ADGRL4: variants seen among roughly 807,000 people sequenced by gnomAD.
ADGRL4 encodes the protein EGF, latrophilin and seven transmembrane domain containing 1.
ADGRL4 carries 90 observed loss-of-function variants against 74.8 expected under a neutral mutation model. The ratio of observed to expected loss-of-function variants is 1.20; its 90% CI spans 1.02 to 1.43. The LOEUF is 1.43. Among genes scored for constraint, ADGRL4 ranks in the 40% most tolerant of loss-of-function variants. ADGRL4 has a pLI of 0.00. For missense variants in ADGRL4, 881 were observed against 814.3 expected (o/e 1.08, Z -1.00); for synonymous variants, 311 against 279.2 (o/e 1.11, Z -1.14).
chr1:78,927,124 C>T (rs776811969), intron 7 of ADGRL4, 33 bp from the exon 8 acceptor site: 1 of 1,378,810 alleles, frequency 7.3e-7, no homozygotes, highest in South Asian at 1.2e-5. Flanking sequence ...TAGTGAAATT[C>T]TTATAAAACA....
Position 78,929,174 on chromosome 1 carries a change from C to T in ADGRL4, c.878-2083G>A, listed in dbSNP as rs182575863. Among the ~76,000 whole-genome samples the T allele has an allele frequency of 4.6e-5, 7 of 151,278 alleles. 1 individual carries two copies. The highest frequency in any genetic ancestry group is 4.1e-4 in the South Asian group (2 of 4,824). On this transcript the variant is annotated intron_variant, in intron 7 of 14. Coordinates refer to ENST00000370742, the MANE Select transcript of ADGRL4 (RefSeq NM_022159.4). ...GAATCTTGTTCTATTAATTCTCAAC[C>T]CTTCCTCCTTACTCTTCTAAAATTC...
At chr1:78,908,247 T>C (rs1381409330) in intron 12 of ADGRL4, among the ~76,000 whole-genome samples, 2 of 151,962 alleles carry the variant, frequency 1.3e-5, no homozygotes, top group African/African-American at 2.4e-5. Context: ...TTTCAGAGGA[T>C]GATCAGAAGT....
Position 78,891,004 on chromosome 1 carries a change from C to T in ADGRL4, c.*150G>A. 1 of 758,136 alleles carries T rather than the reference C, an allele frequency of 1.3e-6. No homozygotes were observed. The highest frequency in any genetic ancestry group is 2.3e-6 in the Non-Finnish European group (1 of 435,136). The allele number at this position is 758,136 out of a possible 1,614,324, so 47.0% of individuals were successfully genotyped here. A position where few individuals can be genotyped will look rare whatever the true frequency, so the allele number is the denominator to read the frequency against. ...TAATTTTACCTTATTATCTACAGTT[C>T]CTATAGCATAAACAGAAAAACTGAT... On this transcript the variant is annotated 3_prime_UTR_variant, in exon 15 of 15. Transcript: ENST00000370742.
intron 2 of ADGRL4, among the ~76,000 whole-genome samples, chr1:78,952,328 C>CTTTTTTTTTTTTTT (rs10647389): frequency 1.0e-4 from 12 of 119,724 alleles, no homozygotes; most frequent in Admixed American, 1.9e-4. Context: ...ACATAGAAAG[C>CTTTTTTTTTTTTTT]TTTTTTTTTT....
chr1:78,896,606 G>A (rs971522202), intron 12 of ADGRL4, among the ~76,000 whole-genome samples: 2 of 151,858 alleles, frequency 1.3e-5, no homozygotes, highest in Admixed American at 6.6e-5. Flanking sequence ...ATCCTGAAAC[G>A]GGCCACCATC....
intron 2 of ADGRL4, among the ~76,000 whole-genome samples, chr1:78,981,313 A>G (rs1171945309): frequency 1.7e-4 from 26 of 152,018 alleles, no homozygotes; most frequent in Non-Finnish European, 3.1e-4. Context: ...TGTTTCACTC[A>G]GGCAGAGGAG....
At chr1:78,955,823 C>A (rs2100703373) in intron 2 of ADGRL4, among the ~76,000 whole-genome samples, 1 of 152,088 alleles carries the variant, frequency 6.6e-6, no homozygotes, top group Non-Finnish European at 1.5e-5. Context: ...TGAATGAGAC[C>A]TTGTTTCCTT....
At chr1:78,967,837 A>T (rs1159504374) in intron 2 of ADGRL4, among the ~76,000 whole-genome samples, 1 of 151,358 alleles carries the variant, frequency 6.6e-6, no homozygotes, top group African/African-American at 2.5e-5. Context: ...GCCAAAAAAA[A>T]AAATAATAAC....
chr1:79,001,492 A>C (rs559333183), intron 2 of ADGRL4, among the ~76,000 whole-genome samples: 5 of 152,298 alleles, frequency 3.3e-5, no homozygotes, highest in Admixed American at 2.0e-4. Flanking sequence ...GCTTCTCCAG[A>C]GGGACCTGAA....
chr1:78,894,332 C>A (rs531427294), intron 12 of ADGRL4, among the ~76,000 whole-genome samples: 1 of 151,746 alleles, frequency 6.6e-6, no homozygotes, highest in African/African-American at 2.4e-5. Flanking sequence ...GAGGAAATCT[C>A]GGAAGAATAA....
At chr1:78,902,280 G>T (rs1002115373) in intron 12 of ADGRL4, among the ~76,000 whole-genome samples, 1 of 152,084 alleles carries the variant, frequency 6.6e-6, no homozygotes, top group African/African-American at 2.4e-5. Flanking sequence ...AAAATTTTGA[G>T]TGCTGATATT....
chr1:78,975,673 T>C (rs570862578), intron 2 of ADGRL4, among the ~76,000 whole-genome samples: 2 of 152,072 alleles, frequency 1.3e-5, no homozygotes, highest in Admixed American at 6.6e-5. Context: ...GCCTCAATAG[T>C]ATGCATTTGT....
chr1:78,955,455 A>T lies in ADGRL4; in HGVS notation c.173-9029T>A, dbSNP rs1570252521. ...GAGATTTTTTGTAATCATGTCTTGC[A>T]TTCTTTTCCTTTCTTGTTTATGATC... is the stretch of plus-strand genomic sequence containing the variant. On this transcript the variant is annotated intron_variant, in intron 2 of 14. Transcript: ENST00000370742. Among the ~76,000 whole-genome samples the T allele has an allele frequency of 3.9e-5, 6 of 152,182 alleles. No individual in the cohort carries two copies. In the South Asian group the frequency reaches 1.2e-3, roughly 32 times the overall value.
chr1:78,949,638 A>G (rs548593063), intron 2 of ADGRL4, among the ~76,000 whole-genome samples: 37 of 152,290 alleles, frequency 2.4e-4, no homozygotes, highest in African/African-American at 7.9e-4. Context: ...ACTTCATAAT[A>G]ATTAATCTTC....
Position 78,974,124 on chromosome 1 carries a change from C to T in ADGRL4, c.173-27698G>A, listed in dbSNP as rs115684711. On this transcript the variant is annotated intron_variant, in intron 2 of 14. Coordinates refer to ENST00000370742, the MANE Select transcript of ADGRL4 (RefSeq NM_022159.4). ...TGTCTTCCTGTTCCTCCCTCAAACA[C>T]GCATATAAATGTTATTTTCCAGTTT... Among the ~76,000 whole-genome samples, 998 of 152,192 alleles carry T rather than the reference C, an allele frequency of 6.6e-3. 9 individuals carry two copies. Among genetic ancestry groups the T allele is most frequent in the African/African-American group, 0.019 (777 of 41,546 alleles).
At chr1:78,994,724 C>G (rs542217912) in intron 2 of ADGRL4, among the ~76,000 whole-genome samples, 1 of 152,200 alleles carries the variant, frequency 6.6e-6, no homozygotes, top group South Asian at 2.1e-4. Context: ...GGACAGTAAC[C>G]AGGTTTATAA....
intron 12 of ADGRL4, among the ~76,000 whole-genome samples, chr1:78,893,744 GC>G (rs890814500): frequency 1.3e-5 from 2 of 151,878 alleles, no homozygotes; most frequent in Non-Finnish European, 2.9e-5. Context: ...AACCGTGGAT[GC>G]TTTCAAAATG....
chr1:78,892,846 C>G (rs1379744557), intron 13 of ADGRL4, among the ~76,000 whole-genome samples: 1 of 151,962 alleles, frequency 6.6e-6, no homozygotes, highest in Non-Finnish European at 1.5e-5. Flanking sequence ...CCTTCCTTGC[C>G]TTAAAACACA....
chr1:79,005,155 T>C lies in ADGRL4; in HGVS notation c.87A>G (p.Pro29=). 6.2e-7 allele frequency: 1 copy of C among 1,613,742 alleles called. No individual in the cohort carries two copies. ...CATTGCGTATTTCACATTTTGCATT[T>C]GGGAGACAAGGTGTCTTGGTGCAAT... The part of the protein sequence containing the change: ...TQNCTKTPCL[P]NAKCEIRNGI... Residue 29 remains proline, a synonymous_variant, in exon 2 of 15, where the codon CCA becomes CCG. Coordinates refer to ENST00000370742, the MANE Select transcript of ADGRL4 (RefSeq NM_022159.4).
Sources: gnomAD v4.1 joint callset for allele counts (sites outside exome capture counted in the v4.1 genomes callset) on GRCh38, gnomAD v4.1.1 for gene constraint, MANE v1.5 for transcripts, NCBI Gene and HGNC (gene_info 2026-07-23, HGNC 2026-07-21) for gene names.